AGAP1: variants seen among roughly 807,000 people sequenced by gnomAD.
The protein encoded by AGAP1 is ArfGAP with GTPase domain, ankyrin repeat and PH domain 1.
AGAP1 carries 29 observed loss-of-function variants against 105.3 expected under a neutral mutation model. The ratio of observed to expected loss-of-function variants is 0.28; its 90% CI spans 0.21 to 0.38. The LOEUF is 0.38. AGAP1 is among the 10% of genes least tolerant of loss of function. The pLI, the probability that AGAP1 is intolerant of heterozygous loss-of-function variation, is 1.00. For missense variants in AGAP1, 998 were observed against 1,165.1 expected (o/e 0.86, Z 2.09); for synonymous variants, 509 against 485.9 (o/e 1.05, Z -0.63).
chr2:236,045,073 C>T lies in AGAP1; in HGVS notation c.1892-3986C>T, dbSNP rs2057675996. 6.6e-6 allele frequency among the ~76,000 whole-genome samples: 1 copy of T among 152,172 alleles called. No homozygotes were observed. Among genetic ancestry groups the T allele is most frequent in the Non-Finnish European group, 1.5e-5 (1 of 68,034 alleles). ...GTGACTACATGTGCGTGCCACCACG[C>T]CGACCTGATTTTTTAAATTTTTTGT... On this transcript the variant is annotated intron_variant, in intron 15 of 17. Transcript: ENST00000304032. The surrounding 1 kb of genome is among the most constrained non-coding windows in gnomAD (Gnocchi z 6.9).
At chr2:236,067,942 G>A (rs930638456) in intron 16 of AGAP1, among the ~76,000 whole-genome samples, 3 of 152,086 alleles carry the variant, frequency 2.0e-5, no homozygotes, top group African/African-American at 7.2e-5. Context: ...AGGACATGTT[G>A]TGTATGTTCC....
Position 235,620,312 on chromosome 2 carries a change from T to C in AGAP1, c.164-88867T>C, listed in dbSNP as rs1946436245. On this transcript the variant is annotated intron_variant, in intron 1 of 17. Transcript: ENST00000304032. This position sits in a 1 kb window ranked among gnomAD's most constrained non-coding sequence, Gnocchi z 4.5. ...ACTGCTCACCTCTTCAAGCCGATGC[T>C]GCTACTCTCCTGGACAGTCCACTTG... Among the ~76,000 whole-genome samples the C allele has an allele frequency of 6.6e-6, 1 of 152,194 alleles. No homozygotes were observed. The highest frequency in any genetic ancestry group is 2.4e-5 in the African/African-American group (1 of 41,450).
rs1353506901 is a variant in AGAP1 at position 236,083,986 on chromosome 2, GAAT to G, written c.2114+34711_2114+34713del. Among the ~76,000 whole-genome samples the G allele has an allele frequency of 7.9e-5, 12 of 152,204 alleles. No homozygotes were observed. The highest frequency in any genetic ancestry group is 1.6e-4 in the Non-Finnish European group (11 of 68,040). ...GAGGGATCCAGCTCAGTAATTAAAG[GAAT>G]AATAAGGACTCATTGTGTGGCAGGT... is the stretch of plus-strand genomic sequence containing the variant. On this transcript the variant is annotated intron_variant, in intron 16 of 17. Coordinates refer to ENST00000304032, the MANE Select transcript of AGAP1 (RefSeq NM_001037131.3). This position sits in a 1 kb window ranked among gnomAD's most constrained non-coding sequence, Gnocchi z 5.3.
At chr2:235,923,729 G>A (rs1254308387) in intron 11 of AGAP1, among the ~76,000 whole-genome samples, 3 of 152,222 alleles carry the variant, frequency 2.0e-5, no homozygotes, top group Admixed American at 1.3e-4. Flanking sequence ...TGTACCTACA[G>A]TGATGGACAG....
At chr2:235,870,230 A>G (rs2049371366) in intron 9 of AGAP1, among the ~76,000 whole-genome samples, 2 of 152,192 alleles carry the variant, frequency 1.3e-5, no homozygotes, top group African/African-American at 4.8e-5. Flanking sequence ...GTACACGTGG[A>G]TGAGGTTCCT....
At chr2:235,511,870 G>GTGGA (rs1559212677) in intron 1 of AGAP1, among the ~76,000 whole-genome samples, 13 of 149,784 alleles carry the variant, frequency 8.7e-5, no homozygotes, top group Admixed American at 2.7e-4. Context: ...GAATGTGTGT[G>GTGGA]TGTATGTGAA....
intron 16 of AGAP1, among the ~76,000 whole-genome samples, chr2:236,065,130 C>T (rs1248791146): frequency 1.3e-5 from 2 of 152,356 alleles, no homozygotes; most frequent in African/African-American, 2.4e-5. Flanking sequence ...GGAAGGCTTA[C>T]GTGCTGCCTT....
rs746619605 is a variant in AGAP1, at chr2:235,494,703, A to T, written c.17A>T (p.Gln6Leu). 6.5e-7 allele frequency: 1 copy of T among 1,539,760 alleles called. No homozygotes were observed. Among genetic ancestry groups the T allele is most frequent in the Non-Finnish European group, 8.8e-7 (1 of 1,141,858 alleles). The change falls in exon 1 of 18, where the codon CAG (glutamine) becomes CTG (leucine). Residue 6 changes from glutamine (Q) to leucine (L), a missense_variant. Gln to Leu is a moderately radical substitution (Grantham distance 113, BLOSUM62 -2). Transcript: ENST00000304032. MNYQQ[Q>L]LANSAAIRAE... is the part of the protein sequence containing the mutation. ...GCCTGCACCATGAACTACCAGCAGC[A>T]GCTGGCCAACTCGGCTGCCATCCGG... is the stretch of plus-strand genomic sequence containing the variant.
At chr2:235,495,150 G>T (rs188220248) in intron 1 of AGAP1, among the ~76,000 whole-genome samples, 6 of 152,300 alleles carry the variant, frequency 3.9e-5, no homozygotes, top group African/African-American at 1.4e-4. Flanking sequence ...GAGCGTCCCG[G>T]CCCAGCAGAC....
At chr2:235,678,700 A>G (rs1355982714) in intron 1 of AGAP1, among the ~76,000 whole-genome samples, 1 of 151,790 alleles carries the variant, frequency 6.6e-6, no homozygotes, top group African/African-American at 2.4e-5. Context: ...ATTTGTCTGG[A>G]GTTTCTTTGG....
chr2:235,772,487 A>G (rs1056054867), intron 6 of AGAP1, among the ~76,000 whole-genome samples: 41 of 152,310 alleles, frequency 2.7e-4, no homozygotes, highest in African/African-American at 9.1e-4. Context: ...TCAGCTACCA[A>G]GAAGCCAGCA....
At chr2:235,770,277 C>T (rs1052606074) in intron 6 of AGAP1, among the ~76,000 whole-genome samples, 5 of 140,002 alleles carry the variant, frequency 3.6e-5, no homozygotes, top group Non-Finnish European at 8.0e-5. Flanking sequence ...GGACTACAGA[C>T]GCACGCCACC....
In AGAP1 at chr2:235,662,774, C is replaced by A. The variant is rs1448811329; in HGVS notation, c.164-46405C>A. On this transcript the variant is annotated intron_variant, in intron 1 of 17. Coordinates refer to ENST00000304032, the MANE Select transcript of AGAP1 (RefSeq NM_001037131.3). This position sits in a 1 kb window ranked among gnomAD's most constrained non-coding sequence, Gnocchi z 4.2. ...GGGGTTTTCTGGGCTCACACCCAGC[C>A]TGTGTCCCTCATCCCCTTGCTCCGC... Among the ~76,000 whole-genome samples the A allele has an allele frequency of 6.6e-6, 1 of 152,222 alleles. No individual in the cohort carries two copies.
chr2:235,692,446 T>C lies in AGAP1; in HGVS notation c.164-16733T>C, dbSNP rs1241523463. 6.6e-6 allele frequency among the ~76,000 whole-genome samples: 1 copy of C among 152,142 alleles called. No homozygotes were observed. The highest frequency in any genetic ancestry group is 1.5e-5 in the Non-Finnish European group (1 of 68,014). On this transcript the variant is annotated intron_variant, in intron 1 of 17. Transcript: ENST00000304032. The surrounding 1 kb of genome is among the most constrained non-coding windows in gnomAD (Gnocchi z 5.8). ...GGCACCAGCTAGAAAATGTGACCCA[T>C]GTTGCCAACTCCCAAAAGCCACCAG...
chr2:235,716,173 G>A lies in AGAP1; in HGVS notation c.223-1384G>A, dbSNP rs1951094721. Among the ~76,000 whole-genome samples the A allele has an allele frequency of 6.6e-6, 1 of 152,204 alleles. No homozygotes were observed. ...GCTCATTGAGAGAAGGTTGGATGTG[G>A]ACAGGCGCATGTTGGGACATTAGAG... On this transcript the variant is annotated intron_variant, in intron 2 of 17. Transcript: ENST00000304032. The surrounding 1 kb of genome is among the most constrained non-coding windows in gnomAD (Gnocchi z 4.0).
At chr2:235,763,968 G>C (rs535015720) in intron 6 of AGAP1, among the ~76,000 whole-genome samples, 1 of 133,798 alleles carries the variant, frequency 7.5e-6, no homozygotes, top group Non-Finnish European at 1.6e-5. Context: ...ACAGCACAGA[G>C]CACTGGTCTG....
At chr2:235,617,853 G>T (rs1038963257) in intron 1 of AGAP1, among the ~76,000 whole-genome samples, 2 of 152,236 alleles carry the variant, frequency 1.3e-5, no homozygotes, top group African/African-American at 2.4e-5. Context: ...TAAGTAAGTG[G>T]ATGCAGTGCA....
At chr2:236,084,764 CATG>C (rs2058879772) in intron 16 of AGAP1, among the ~76,000 whole-genome samples, 2 of 151,558 alleles carry the variant, frequency 1.3e-5, no homozygotes, top group Admixed American at 6.6e-5. Flanking sequence ...ATTAGCCAGG[CATG>C]GTGGTGGGCG....
intron 1 of AGAP1, among the ~76,000 whole-genome samples, chr2:235,536,070 CCTT>C (rs1943206046): frequency 6.6e-6 from 1 of 151,170 alleles, no homozygotes; most frequent in African/African-American, 2.4e-5. Context: ...GAGGGGGCTG[CCTT>C]CTTTGCGGCT....
Sources: gnomAD v4.1 joint callset for allele counts (sites outside exome capture counted in the v4.1 genomes callset) on GRCh38, gnomAD v4.1.1 for gene constraint, Gnocchi (gnomAD v3.1) non-coding constraint, MANE v1.5 for transcripts, NCBI Gene and HGNC (gene_info 2026-07-23, HGNC 2026-07-21) for gene names.